PFAS: variants seen among roughly 807,000 people sequenced by gnomAD.
The protein encoded by PFAS is phosphoribosylformylglycinamidine synthase, also known as FGAM synthase.
A neutral mutation model predicts 140.6 loss-of-function variants in PFAS; 97 were observed. That is an observed-to-expected ratio of 0.69 (90% confidence interval 0.59 to 0.82). PFAS has a LOEUF of 0.82. Among genes scored for constraint, PFAS ranks in the 40% least tolerant of loss-of-function variants. The pLI is 0.00. For missense variants in PFAS, 1,656 were observed against 1,780.2 expected (o/e 0.93, Z 1.26); for synonymous variants, 679 against 718.8 (o/e 0.94, Z 0.88).
chr17:8,260,604 T>C (rs1431029406), intron 11 of PFAS, among the ~76,000 whole-genome samples: 1 of 152,228 alleles, frequency 6.6e-6, no homozygotes, highest in Non-Finnish European at 1.5e-5. Flanking sequence ...TGAACATTTA[T>C]GTACAAGTTT....
At chr17:8,253,478 G>A (rs1034640260) in intron 1 of PFAS, among the ~76,000 whole-genome samples, 10 of 152,030 alleles carry the variant, frequency 6.6e-5, no homozygotes, top group African/African-American at 2.2e-4. Flanking sequence ...TATCCATAAC[G>A]CCGCAATTTT....
chr17:8,253,781 C>T (rs1362919175), intron 1 of PFAS, 78 bp from the exon 2 acceptor site: 2 of 1,036,188 alleles, frequency 1.9e-6, no homozygotes, highest in Non-Finnish European at 2.7e-6. Context: ...TCAGGCAATC[C>T]ACCTGCCTCA....
chr17:8,258,330 A>G, intron 11 of PFAS, 131 bp downstream of exon 11: 1 of 969,814 alleles, frequency 1.0e-6, no homozygotes, highest in Non-Finnish European at 1.6e-6. Context: ...GTGTCACATA[A>G]TGATGGACAA....
chr17:8,252,973 T>C (rs973251362), intron 1 of PFAS, among the ~76,000 whole-genome samples: 1 of 152,188 alleles, frequency 6.6e-6, no homozygotes, highest in Admixed American at 6.5e-5. Context: ...GATTAGTAGC[T>C]CATTCTTGAG....
intron 17 of PFAS, 38 bp from the exon 18 acceptor site, chr17:8,264,857 G>T: frequency 7.1e-7 from 1 of 1,412,656 alleles, no homozygotes; most frequent in Non-Finnish European, 9.7e-7. Flanking sequence ...GGCTGTCCCT[G>T]TCCCTTGCTC....
In PFAS at chr17:8,270,328, T is replaced by C. The variant is rs930640571; in HGVS notation, c.*1064T>C. 1.3e-5 allele frequency: 2 copies of C among 151,706 alleles called. No homozygotes were observed. Among genetic ancestry groups the C allele is most frequent in the African/African-American group, 4.9e-5 (2 of 40,948 alleles). 9.4% of individuals were successfully genotyped at this position (151,706 alleles called of 1,614,324 possible). A position where few individuals can be genotyped will look rare whatever the true frequency, so the allele number is the denominator to read the frequency against. The stretch of plus-strand genomic sequence containing the variant: ...ACTGTCACCGGCCTCAGGGAGTTTA[T>C]GTGTAATAGAATTAAAAATAATAGC... On this transcript the variant is annotated 3_prime_UTR_variant, in exon 28 of 28. Coordinates refer to ENST00000314666, the MANE Select transcript of PFAS (RefSeq NM_012393.3).
intron 11 of PFAS, 86 bp downstream of exon 11, chr17:8,258,285 C>G: frequency 7.0e-7 from 1 of 1,433,100 alleles, no homozygotes; most frequent in South Asian, 1.2e-5. Context: ...GGGAACACTT[C>G]AGTGGTTAGT....
rs377467670 is a variant in PFAS at position 8,266,236 on chromosome 17, C to T, written c.2704C>T (p.Arg902Cys). 17 of 1,613,754 alleles carry T rather than the reference C, an allele frequency of 1.1e-5. No homozygotes were observed. The highest frequency in any genetic ancestry group is 3.3e-5 in the South Asian group (3 of 91,058). ...FSITQGLLKD[R>C]LLCSGHDVSD... ...GAGCTTTCTTCTCCTTCCTCCAGAC[C>T]GCCTCCTCTGCTCAGGCCACGATGT... The change falls in exon 22 of 28, where the codon CGC becomes TGC. Residue 902 changes from arginine to cysteine, a missense_variant and splice_region_variant. By Grantham distance (180) the Arg-to-Cys change is radical. Around this residue, in one of 2 missense-constraint regions of PFAS, gnomAD observed 883 missense variants for 1,023.0 expected, o/e 0.86. Transcript: ENST00000314666. The surrounding 1 kb of genome is among the most constrained non-coding windows in gnomAD (Gnocchi z 5.0).
At chr17:8,254,948 C>A in intron 3 of PFAS, 79 bp from the exon 4 acceptor site, 1 of 948,460 alleles carries the variant, frequency 1.1e-6, no homozygotes, top group Non-Finnish European at 1.7e-6. Context: ...GTTGTCCAGA[C>A]AGCAGTAGGC....
chr17:8,249,161 T>C (rs1156913756), upstream of PFAS: 1 of 152,120 alleles, frequency 6.6e-6, no homozygotes, highest in Non-Finnish European at 1.5e-5. Flanking sequence ...AGAAACCACC[T>C]GGGGATAAAC....
chr17:8,264,732 C>T, intron 17 of PFAS, 131 bp downstream of exon 17: 2 of 1,093,086 alleles, frequency 1.8e-6, no homozygotes, highest in South Asian at 3.0e-5. Context: ...AGGGCAGCCA[C>T]CCTGATGGCC....
In PFAS at chr17:8,269,044, C is replaced by T. The variant is rs1030210048; in HGVS notation, c.3797C>T (p.Pro1266Leu). The T allele has an allele frequency of 1.2e-6, 2 of 1,614,150 alleles. No homozygotes were observed. The highest frequency in any genetic ancestry group is 1.7e-6 in the Non-Finnish European group (2 of 1,179,976). The change falls in exon 28 of 28, where the codon CCC (proline) becomes CTC (leucine). Residue 1266 changes from proline (P) to leucine (L), a missense_variant. Transcript: ENST00000314666. ...CACTGGGCTGATGATGACGGGAACC[C>T]CACAGAGCAGTACCCTCTGAATCCC... is the stretch of plus-strand genomic sequence containing the variant. ...PLHWADDDGNPTEQYPLNPNG... is the reference protein window; with the variant it reads ...PLHWADDDGNLTEQYPLNPNG...
intron 1 of PFAS, among the ~76,000 whole-genome samples, chr17:8,251,009 C>G (rs1989127985): frequency 6.6e-6 from 1 of 151,058 alleles, no homozygotes; most frequent in South Asian, 2.1e-4. Flanking sequence ...TGAGGTCTGC[C>G]TGGCGCAGTC....
intron 4 of PFAS, 69 bp from the exon 5 acceptor site, chr17:8,255,433 G>A (rs770189830): frequency 5.5e-5 from 66 of 1,206,616 alleles, no homozygotes; most frequent in Non-Finnish European, 5.6e-5. Flanking sequence ...TAAGAGGGTA[G>A]GAAGGTGGAC....
Position 8,255,647 on chromosome 17 carries a change from T to C in PFAS, c.530T>C (p.Leu177Pro), listed in dbSNP as rs773103419. ...PEPLNGPINI[L>P]GEGRLALEKA... ...CCCCTCAATGGCCCTATCAATATAC[T>C]GGGTGAGGGCCGGCTTGCGCTGGAG... Residue 177 changes from leucine (L) to proline (P), a missense_variant, in exon 5 of 28, where the codon CTG (leucine) becomes CCG (proline). This residue lies in a region of PFAS where 773 missense variants were observed against 757.3 expected (regional missense o/e 1.02). Transcript: ENST00000314666. 6.3e-7 allele frequency: 1 copy of C among 1,582,880 alleles called. No homozygotes were observed. The highest frequency in any genetic ancestry group is 8.6e-7 in the Non-Finnish European group (1 of 1,166,930).
Position 8,265,900 on chromosome 17 carries a change from C to A in PFAS, c.2584C>A (p.Arg862=). The change falls in exon 21 of 28, where the codon CGG becomes AGG. Residue 862 remains arginine (R), a synonymous_variant. Coordinates refer to ENST00000314666, the MANE Select transcript of PFAS (RefSeq NM_012393.3). ...LYVALSPGQH[R]LGGTALAQCF... is the part of the protein sequence containing the mutation. ...TGTGGCTCTGAGCCCTGGGCAGCAC[C>A]GGCTCGGGGGCACAGCTCTGGCCCA... is the stretch of plus-strand genomic sequence containing the variant. 1.9e-6 allele frequency: 3 copies of A among 1,612,162 alleles called. No individual in the cohort carries two copies. The highest frequency in any genetic ancestry group is 1.1e-5 in the South Asian group (1 of 90,804).
In PFAS at chr17:8,255,678, C is replaced by T. The variant is rs779416955; in HGVS notation, c.561C>T (p.Ala187=). 3 of 1,583,130 alleles carry T rather than the reference C, an allele frequency of 1.9e-6. No individual in the cohort carries two copies. The highest frequency in any genetic ancestry group is 1.8e-5 in the Admixed American group (1 of 54,706). ...AGGGCCGGCTTGCGCTGGAGAAGGC[C>T]AACCAGGAGCTTGGTGAGTAGCTGG... The part of the protein sequence containing the change: ...LGEGRLALEK[A]NQELGLALDS... Residue 187 remains alanine (A), a synonymous_variant, in exon 5 of 28, where the codon GCC becomes GCT. Coordinates refer to ENST00000314666, the MANE Select transcript of PFAS (RefSeq NM_012393.3).
rs755417531 is a variant in PFAS at position 8,253,991 on chromosome 17, C to T, written c.54C>T (p.Ala18=). 2.5e-6 allele frequency: 4 copies of T among 1,614,024 alleles called. No homozygotes were observed. In the African/African-American group the frequency reaches 4.0e-5, roughly 16 times the overall value. The stretch of plus-strand genomic sequence containing the variant: ...GTCCCTCTGGCCATGAGGGGGCAGC[C>T]CCTGGACACACTCGGAGGAAACTGC... ...YVRPSGHEGA[A]PGHTRRKLQG... is the part of the protein sequence containing the mutation. The change falls in exon 2 of 28, where the codon GCC becomes GCT. Residue 18 remains alanine, a synonymous_variant. Coordinates refer to ENST00000314666, the MANE Select transcript of PFAS (RefSeq NM_012393.3).
Position 8,264,298 on chromosome 17 carries a change from C to T in PFAS, c.1878C>T (p.Asp626=), listed in dbSNP as rs1176577246. ...APPTPLPTPV[D]LELEWVLGKM... is the part of the protein sequence containing the mutation. ...CGACACCCCTGCCAACCCCTGTGGACCTGGAGCTCGAATGGGTGCTGGGCA... is the reference window on the plus strand; with the variant it reads ...CGACACCCCTGCCAACCCCTGTGGATCTGGAGCTCGAATGGGTGCTGGGCA... The change falls in exon 16 of 28, where the codon GAC becomes GAT. Residue 626 remains aspartate (D), a synonymous_variant. Coordinates refer to ENST00000314666, the MANE Select transcript of PFAS (RefSeq NM_012393.3). 6.2e-7 allele frequency: 1 copy of T among 1,613,994 alleles called. No homozygotes were observed. The highest frequency in any genetic ancestry group is 8.5e-7 in the Non-Finnish European group (1 of 1,179,960).
Sources: gnomAD v4.1 joint callset for allele counts (sites outside exome capture counted in the v4.1 genomes callset) on GRCh38, gnomAD v4.1.1 for gene constraint, gnomAD v4.1.1 regional missense constraint, Gnocchi (gnomAD v3.1) non-coding constraint, MANE v1.5 for transcripts, NCBI Gene and HGNC (gene_info 2026-07-23, HGNC 2026-07-21) for gene names.